SPATA16: variants seen among roughly 807,000 people sequenced by gnomAD.
SPATA16 encodes spermatogenesis-associated protein 16.
A neutral mutation model predicts 63.3 loss-of-function variants in SPATA16; 36 were observed. That is an observed-to-expected ratio of 0.57 (90% CI 0.44 to 0.75). SPATA16 has a LOEUF of 0.75. Among genes scored for constraint, SPATA16 ranks in the 30% least tolerant of loss-of-function variants. The probability of loss-of-function intolerance (pLI) is 0.00; values close to 1 mark genes in which losing one functional copy is unlikely to be tolerated. For missense variants in SPATA16, 646 were observed against 679.3 expected (o/e 0.95, Z 0.54); for synonymous variants, 203 against 216.7 (o/e 0.94, Z 0.56).
At chr3:173,013,818 A>G (rs984636067) in intron 4 of SPATA16, among the ~76,000 whole-genome samples, 1 of 152,210 alleles carries the variant, frequency 6.6e-6, no homozygotes, top group Non-Finnish European at 1.5e-5. Flanking sequence ...ACAGGAATCT[A>G]TAAACTCATT....
intron 5 of SPATA16, among the ~76,000 whole-genome samples, chr3:172,966,291 C>T (rs12630349): frequency 0.098 from 14,979 of 152,160 alleles, 967 homozygotes; most frequent in East Asian, 0.15. Context: ...CTTATATGAA[C>T]GTTACAGCAG....
chr3:172,964,654 G>A (rs1733869960), intron 5 of SPATA16, among the ~76,000 whole-genome samples: 1 of 152,168 alleles, frequency 6.6e-6, no homozygotes, highest in Non-Finnish European at 1.5e-5. Context: ...TTAGTTGTAT[G>A]AAGGTAGGTA....
chr3:173,130,823 A>G (rs1366294968), intron 1 of SPATA16, among the ~76,000 whole-genome samples: 1 of 152,234 alleles, frequency 6.6e-6, no homozygotes. Flanking sequence ...TTGGTAAAAA[A>G]TAATAATCAT....
chr3:173,061,632 C>T (rs1567716), intron 2 of SPATA16, among the ~76,000 whole-genome samples: 30,625 of 152,096 alleles, frequency 0.2, 3,729 homozygotes, highest in African/African-American at 0.35. Flanking sequence ...TTTTCAATTT[C>T]AATAAATATC....
intron 10 of SPATA16, among the ~76,000 whole-genome samples, chr3:172,907,625 G>A (rs1325911671): frequency 1.3e-5 from 2 of 151,896 alleles, no homozygotes; most frequent in East Asian, 1.9e-4. Context: ...ACCCAAGCAG[G>A]AGTGCAATGG....
In SPATA16 at chr3:173,117,719, T is replaced by C; in HGVS notation, c.13A>G (p.Ser5Gly). The change falls in exon 2 of 11, where the codon AGC becomes GGC. Residue 5 changes from serine to glycine, a missense_variant. Coordinates refer to ENST00000351008, the MANE Select transcript of SPATA16 (RefSeq NM_031955.6). MDAGSSRSLENAVNR... is the reference protein window; with the variant it reads MDAGGSRSLENAVNR... The stretch of plus-strand genomic sequence containing the variant: ...ACTGCATTCTCCAAACTCCTACTGC[T>C]TCCTGCATCCATCGATCCTGCCCAA... 1 of 1,614,130 alleles carries C rather than the reference T, an allele frequency of 6.2e-7. No individual in the cohort carries two copies. Among genetic ancestry groups the C allele is most frequent in the Non-Finnish European group, 8.5e-7 (1 of 1,179,998 alleles).
At chr3:173,008,393 CTG>C (rs1475673006) in intron 4 of SPATA16, among the ~76,000 whole-genome samples, 1 of 152,092 alleles carries the variant, frequency 6.6e-6, no homozygotes, top group Admixed American at 6.6e-5. Context: ...GTCTTCCACT[CTG>C]TGGGATCCGC....
chr3:173,117,772 A>G (rs762325292), intron 1 of SPATA16, 23 bp from the exon 2 acceptor site: 1 of 1,613,892 alleles, frequency 6.2e-7, no homozygotes, highest in South Asian at 1.1e-5. Context: ...GAAAAAGGAA[A>G]GTAATTAAGG....
At chr3:173,118,007 A>G (rs1272836404) in intron 1 of SPATA16, among the ~76,000 whole-genome samples, 1 of 152,228 alleles carries the variant, frequency 6.6e-6, no homozygotes, top group East Asian at 1.9e-4. Context: ...TGGCTGAACA[A>G]CATCGAATGA....
intron 3 of SPATA16, among the ~76,000 whole-genome samples, chr3:173,044,873 T>A (rs945073369): frequency 2.6e-5 from 4 of 152,150 alleles, no homozygotes; most frequent in Non-Finnish European, 5.9e-5. Flanking sequence ...TATTTTGTCT[T>A]TGAATTTAAT....
intron 4 of SPATA16, among the ~76,000 whole-genome samples, chr3:172,983,733 CAACACACACACACA>C (rs1734375171): frequency 1.3e-5 from 2 of 151,494 alleles, no homozygotes; most frequent in Non-Finnish European, 3.0e-5. Context: ...TCATTCAAGC[CAACACACACACACA>C]AACACACACA....
intron 6 of SPATA16, among the ~76,000 whole-genome samples, chr3:172,952,614 G>C (rs1158835532): frequency 6.6e-6 from 1 of 152,056 alleles, no homozygotes; most frequent in African/African-American, 2.4e-5. Flanking sequence ...AGGGAGGCTG[G>C]AAATGGATTC....
chr3:172,975,166 TA>T (rs1376883076), intron 5 of SPATA16, among the ~76,000 whole-genome samples: 1 of 152,120 alleles, frequency 6.6e-6, no homozygotes, highest in African/African-American at 2.4e-5. Context: ...TGTGCTGACA[TA>T]ACAAGATTGG....
At chr3:172,914,318 G>A (rs1048544084) in intron 9 of SPATA16, among the ~76,000 whole-genome samples, 3 of 151,976 alleles carry the variant, frequency 2.0e-5, no homozygotes, top group Non-Finnish European at 4.4e-5. Flanking sequence ...CCCCAAACAG[G>A]CACCTGCTGT....
intron 2 of SPATA16, among the ~76,000 whole-genome samples, chr3:173,081,666 G>C (rs1006182278): frequency 1.3e-5 from 2 of 152,138 alleles, no homozygotes; most frequent in African/African-American, 4.8e-5. Flanking sequence ...TTAAAAATGT[G>C]GTGGAGTAAA....
chr3:172,993,308 T>C lies in SPATA16; in HGVS notation c.849-16256A>G, dbSNP rs146383756. Among the ~76,000 whole-genome samples, 41 of 152,168 alleles carry C rather than the reference T, an allele frequency of 2.7e-4. No individual in the cohort carries two copies. The East Asian group carries it at 7.4e-3, about 27-fold the overall frequency. ...GCAATGGATGGAATCAGTCAAATCATCAATAATCAAATTTGAAACCTATTT... is the reference window on the plus strand; with the variant it reads ...GCAATGGATGGAATCAGTCAAATCACCAATAATCAAATTTGAAACCTATTT... On this transcript the variant is annotated intron_variant, in intron 4 of 10. Transcript: ENST00000351008.
intron 3 of SPATA16, among the ~76,000 whole-genome samples, chr3:173,030,171 T>TATG (rs3085799): frequency 0.2 from 29,912 of 151,496 alleles, 3,209 homozygotes; most frequent in African/African-American, 0.27. Flanking sequence ...ATAAAATACT[T>TATG]ATGAAGTTAA....
At chr3:173,021,268 CT>C (rs1193808913) in intron 3 of SPATA16, among the ~76,000 whole-genome samples, 1 of 152,168 alleles carries the variant, frequency 6.6e-6, no homozygotes, top group Admixed American at 6.5e-5. Context: ...AGTTAAAGAG[CT>C]GTCTAAAGTT....
chr3:172,914,374 C>T (rs552933210), intron 9 of SPATA16, among the ~76,000 whole-genome samples: 7 of 152,068 alleles, frequency 4.6e-5, no homozygotes, highest in South Asian at 4.2e-4. Flanking sequence ...TATTTGACCA[C>T]GAAAGTGAAA....
Sources: allele counts gnomAD v4.1 joint callset (sites outside exome capture counted in the v4.1 genomes callset), GRCh38; gene constraint gnomAD v4.1.1; transcripts MANE v1.5; gene names NCBI Gene and HGNC (gene_info 2026-07-23, HGNC 2026-07-21).